Variants in PIK3R6 observed in about 807,000 individuals in gnomAD.
PIK3R6 encodes phosphoinositide 3-kinase regulatory subunit 6.
PIK3R6 carries 91 observed loss-of-function variants against 84.9 expected under a neutral mutation model. The observed-to-expected ratio is 1.07, with a 90% CI of 0.90 to 1.28. The LOEUF is 1.28. PIK3R6 is among the 50% of genes most tolerant of loss of function. The pLI, the probability that PIK3R6 is intolerant of heterozygous loss-of-function variation, is 0.00. For missense variants in PIK3R6, 996 were observed against 985.1 expected, an observed-to-expected ratio of 1.01 and a Z score of -0.15; for synonymous variants, 416 against 411.4, an observed-to-expected ratio of 1.01 and a Z score of -0.13.
chr17:8,833,128 G>A, intron 8 of PIK3R6, 83 bp from the exon 9 acceptor site: 1 of 1,451,212 alleles, frequency 6.9e-7, no homozygotes, highest in South Asian at 1.4e-5. Flanking sequence ...CAGGGCCCTG[G>A]CAGCCCAAGG....
At chr17:8,815,818 C>T (rs896647487) in intron 18 of PIK3R6, among the ~76,000 whole-genome samples, 7 of 152,180 alleles carry the variant, frequency 4.6e-5, no homozygotes, top group African/African-American at 1.2e-4. Context: ...AGCCCGTCTG[C>T]TTTGGCTTGT....
chr17:8,835,428 C>T lies in PIK3R6; in HGVS notation c.490G>A (p.Val164Met). The T allele has an allele frequency of 6.3e-7, 1 of 1,586,850 alleles. No individual in the cohort carries two copies. Among genetic ancestry groups the T allele is most frequent in the Non-Finnish European group, 8.6e-7 (1 of 1,160,018 alleles). The change falls in exon 8 of 20, where the codon GTG (valine) becomes ATG (methionine). Residue 164 changes from valine to methionine, a missense_variant. By Grantham distance (21) the Val-to-Met change is conservative. Transcript: ENST00000619866. ...AGAGCACTGCACACAGACGCAGACA[C>T]CAGCTCAGGATCCACGAAGAGGAAC... Reference protein sequence around the residue: ...RVFLFVDPELVSASVCSALLL... With the variant: ...RVFLFVDPELMSASVCSALLL...
intron 1 of PIK3R6, among the ~76,000 whole-genome samples, chr17:8,855,990 C>T (rs576029756): frequency 8.5e-5 from 13 of 152,302 alleles, no homozygotes; most frequent in African/African-American, 2.6e-4. Flanking sequence ...GCAGAATCCT[C>T]GGCATTAAAA....
rs149926535 is a variant in PIK3R6, at chr17:8,835,129, C to T, written c.645+144G>A. On this transcript the variant is annotated intron_variant, in intron 8 of 19. Transcript: ENST00000619866. ...CTGGGGTTATAGGTGTGAGCCACTG[C>T]GCCCAGCCAAAATGTATTAATTTTT... is the stretch of plus-strand genomic sequence containing the variant. 202 of 969,212 alleles carry T rather than the reference C, an allele frequency of 2.1e-4. No individual in the cohort carries two copies. In the East Asian group the frequency reaches 3.9e-3, roughly 19 times the overall value. 60.0% of individuals were successfully genotyped at this position (969,212 alleles called of 1,614,324 possible).
At chr17:8,857,715 A>T (rs534256059) in intron 1 of PIK3R6, among the ~76,000 whole-genome samples, 1 of 152,096 alleles carries the variant, frequency 6.6e-6, no homozygotes, top group Non-Finnish European at 1.5e-5. Flanking sequence ...CCTAGCTAAC[A>T]TGGTGAAACC....
chr17:8,808,088 TGAGGAAGAG>T (rs2087254745), intron 18 of PIK3R6, among the ~76,000 whole-genome samples: 1 of 151,830 alleles, frequency 6.6e-6, no homozygotes, highest in Admixed American at 6.6e-5. Context: ...CAAAGGAAAG[TGAGGAAGAG>T]GAGGCACCAG....
chr17:8,858,108 G>A (rs982681074), intron 1 of PIK3R6, among the ~76,000 whole-genome samples: 5 of 152,140 alleles, frequency 3.3e-5, no homozygotes, highest in African/African-American at 1.2e-4. Flanking sequence ...GTCCTTTGGG[G>A]CTGCTGACCA....
intron 3 of PIK3R6, among the ~76,000 whole-genome samples, chr17:8,838,952 T>G (rs2088581061): frequency 6.6e-6 from 1 of 152,162 alleles, no homozygotes; most frequent in Non-Finnish European, 1.5e-5. Context: ...AGAGCAGCAG[T>G]GCTTGCAGGT....
In PIK3R6 at chr17:8,822,506, T is replaced by G. The variant is rs1021163421; in HGVS notation, c.1788+81A>C. 10 of 1,486,714 alleles carry G rather than the reference T, an allele frequency of 6.7e-6. No homozygotes were observed. The African/African-American group carries it at 1.4e-4, about 21-fold the overall frequency. 92.1% of individuals were successfully genotyped at this position (1,486,714 alleles called of 1,614,324 possible). ...GGCAGAAGCTTCCTTTGGCTCTATCTGCTTCCCTGCTTGTCCCAGAGGCCT... is the reference window on the plus strand; with the variant it reads ...GGCAGAAGCTTCCTTTGGCTCTATCGGCTTCCCTGCTTGTCCCAGAGGCCT... On this transcript the variant is annotated intron_variant, in intron 16 of 19. Transcript: ENST00000619866.
In PIK3R6 at chr17:8,827,745, GAGAGAGAGAGAGAGAGAGGAGAGAGA is replaced by G. The variant is rs1567583526; in HGVS notation, c.1392+341_1392+366del. The stretch of plus-strand genomic sequence containing the variant: ...GTATGAGAGAGGGGAGGGAAGGGGA[GAGAGAGAGAGAGAGAGAGGAGAGAGA>G]GAGAGAGAGAGAGAGAGAGAGAGAG... On this transcript the variant is annotated intron_variant, in intron 12 of 19. Transcript: ENST00000619866. Among the ~76,000 whole-genome samples, 458 of 89,558 alleles carry G rather than the reference GAGAGAGAGAGAGAGAGAGGAGAGAGA, an allele frequency of 5.1e-3. 13 individuals carry two copies. Among genetic ancestry groups the G allele is most frequent in the Middle Eastern group, 0.036 (6 of 166 alleles). The allele number at this position is 89,558 out of a possible 152,430, so 58.8% of individuals were successfully genotyped here. A position where few individuals can be genotyped will look rare whatever the true frequency, so the allele number is the denominator to read the frequency against.
Position 8,828,876 on chromosome 17 carries a change from A to C in PIK3R6, c.1004T>G (p.Val335Gly), listed in dbSNP as rs751440818. Reference sequence around the variant, plus strand: ...CTCAATGCCGCTGTCAGTGGACAGCACAGAAACCCGGGCCAACTCCCGGTC... The same window carrying C: ...CTCAATGCCGCTGTCAGTGGACAGCCCAGAAACCCGGGCCAACTCCCGGTC... ...RPDRELARVS[V>G]LSTDSGIERD... The change falls in exon 11 of 20, where the codon GTG (valine) becomes GGG (glycine). Residue 335 changes from valine (V) to glycine (G), a missense_variant. Val to Gly is a moderately radical substitution (Grantham distance 109, BLOSUM62 -3). Coordinates refer to ENST00000619866, the MANE Select transcript of PIK3R6 (RefSeq NM_001010855.4). The C allele has an allele frequency of 1.5e-5, 24 of 1,584,056 alleles. No individual in the cohort carries two copies. Among genetic ancestry groups the C allele is most frequent in the Non-Finnish European group, 3.4e-6 (4 of 1,164,534 alleles).
At chr17:8,828,246 A>G (rs2088017857) in intron 11 of PIK3R6, 56 bp from the exon 12 acceptor site, 1 of 1,540,114 alleles carries the variant, frequency 6.5e-7, no homozygotes. Flanking sequence ...CTTCAAACAG[A>G]CTCGGCTCTG....
chr17:8,804,063 G>A lies in PIK3R6; in HGVS notation c.2086C>T (p.Arg696Cys), dbSNP rs544918511. 39 of 1,613,966 alleles carry A rather than the reference G, an allele frequency of 2.4e-5. No homozygotes were observed. Among genetic ancestry groups the A allele is most frequent in the South Asian group, 8.8e-5 (8 of 91,082 alleles). ...LTLSLDKDDQ[R>C]TFRDVVRFEV... is the part of the protein sequence containing the mutation. ...CACCTGACCACATCCCTGAAAGTGC[G>A]TTGATCGTCCTTGTCCAGCGACAGT... is the stretch of plus-strand genomic sequence containing the variant. The change falls in exon 19 of 20, where the codon CGC (arginine) becomes TGC (cysteine). Residue 696 changes from arginine to cysteine, a missense_variant. Transcript: ENST00000619866.
chr17:8,829,435 TACAC>T (rs549789311), intron 10 of PIK3R6, among the ~76,000 whole-genome samples: 1 of 128,470 alleles, frequency 7.8e-6, no homozygotes, highest in African/African-American at 3.1e-5. Flanking sequence ...CACTCATGGA[TACAC>T]ACACTGACAC....
At chr17:8,841,766 G>A (rs552991894) in intron 2 of PIK3R6, among the ~76,000 whole-genome samples, 5 of 152,050 alleles carry the variant, frequency 3.3e-5, no homozygotes, top group Non-Finnish European at 5.9e-5. Context: ...TGTGGTAGCT[G>A]TGAGAATGTA....
At position 8,803,047 on chromosome 17, in the gene PIK3R6, G is replaced by A. The variant is rs1347238117; in HGVS notation, c.*226C>T. On this transcript the variant is annotated 3_prime_UTR_variant, in exon 20 of 20. Coordinates refer to ENST00000619866, the MANE Select transcript of PIK3R6 (RefSeq NM_001010855.4). This position sits in a 1 kb window ranked among gnomAD's most constrained non-coding sequence, Gnocchi z 5.0. ...ATGAGAAGCTGGGCTTGGTGTGTAT[G>A]TTCTCAAGCAGCGACAGCATTGCCT... is the stretch of plus-strand genomic sequence containing the variant. 1.8e-6 allele frequency: 1 copy of A among 559,498 alleles called. No individual in the cohort carries two copies. The highest frequency in any genetic ancestry group is 1.9e-5 in the African/African-American group (1 of 51,888). 34.7% of individuals were successfully genotyped at this position (559,498 alleles called of 1,614,324 possible). A position where few individuals can be genotyped will look rare whatever the true frequency, so the allele number is the denominator to read the frequency against.
intron 1 of PIK3R6, among the ~76,000 whole-genome samples, chr17:8,850,110 C>A (rs2088909848): frequency 6.6e-6 from 1 of 152,012 alleles, no homozygotes; most frequent in Admixed American, 6.5e-5. Flanking sequence ...TCGAGACCAG[C>A]CCAACAAACA....
intron 1 of PIK3R6, among the ~76,000 whole-genome samples, chr17:8,850,495 T>C (rs1244951067): frequency 6.6e-6 from 1 of 152,076 alleles, no homozygotes; most frequent in Non-Finnish European, 1.5e-5. Context: ...TAAATAGCTA[T>C]TCAAAGTTAA....
intron 14 of PIK3R6, 136 bp from the exon 15 acceptor site, chr17:8,823,222 T>C: frequency 1.2e-6 from 1 of 820,630 alleles, no homozygotes; most frequent in South Asian, 1.7e-5. Flanking sequence ...GGTCTTGAAG[T>C]TAATAATGAT....
Sources: allele counts gnomAD v4.1 joint callset (sites outside exome capture counted in the v4.1 genomes callset), GRCh38; gene constraint gnomAD v4.1.1; non-coding constraint Gnocchi (gnomAD v3.1); transcripts MANE v1.5; gene names NCBI Gene and HGNC (gene_info 2026-07-23, HGNC 2026-07-21).